SRGAP2: variants seen among roughly 807,000 people sequenced by gnomAD.
The protein encoded by SRGAP2 is SLIT-ROBO Rho GTPase-activating protein 2.
Under a neutral mutation model 57.2 loss-of-function variants are expected in SRGAP2, and 15 were observed. That is an observed-to-expected ratio of 0.26 (90% CI 0.18 to 0.40). The LOEUF is 0.40. Ranked by LOEUF, SRGAP2 falls within the 10% of genes least tolerant of loss-of-function variation. SRGAP2 has a pLI of 1.00. For missense variants in SRGAP2, 520 were observed against 669.6 expected, an observed-to-expected ratio of 0.78 and a Z score of 2.47; for synonymous variants, 249 against 248.0, an observed-to-expected ratio of 1.00 and a Z score of -0.04.
chr1:206,386,282 C>T (rs577312168), intron 5 of SRGAP2, among the ~76,000 whole-genome samples: 12 of 151,974 alleles, frequency 7.9e-5, no homozygotes, highest in Admixed American at 2.0e-4. Context: ...AAATGCTGGT[C>T]TAGTGACTAG....
At chr1:206,451,688 A>G (rs1348321020) in intron 19 of SRGAP2, among the ~76,000 whole-genome samples, 5 of 152,240 alleles carry the variant, frequency 3.3e-5, no homozygotes, top group Admixed American at 2.6e-4. Context: ...GTAGTGGGTT[A>G]GAGCCTACCT....
chr1:206,444,952 A>C (rs1172077799), intron 17 of SRGAP2, among the ~76,000 whole-genome samples: 1 of 152,122 alleles, frequency 6.6e-6, no homozygotes, highest in African/African-American at 2.4e-5. Flanking sequence ...CATCTCCAGG[A>C]GGGGAGAGAA....
chr1:206,448,662 G>A (rs1042312205), intron 18 of SRGAP2, among the ~76,000 whole-genome samples: 5 of 152,028 alleles, frequency 3.3e-5, no homozygotes, highest in East Asian at 1.9e-4. Flanking sequence ...TCCATGGCTC[G>A]CTGAAGTTTA....
intron 7 of SRGAP2, among the ~76,000 whole-genome samples, chr1:206,400,075 T>C (rs1234486893): frequency 1.4e-5 from 2 of 146,300 alleles, no homozygotes; most frequent in East Asian, 4.2e-4. Flanking sequence ...CAATAGTAGC[T>C]GCTTCCAATG....
intron 5 of SRGAP2, among the ~76,000 whole-genome samples, chr1:206,389,332 G>A (rs1338600291): frequency 3.3e-4 from 50 of 151,288 alleles, no homozygotes; most frequent in East Asian, 1.2e-3. Context: ...CCGCCACCAC[G>A]CCCAGTTAAT....
chr1:206,432,406 G>C (rs1014354604), intron 14 of SRGAP2, among the ~76,000 whole-genome samples: 16 of 152,202 alleles, frequency 1.1e-4, no homozygotes, highest in African/African-American at 3.9e-4. Flanking sequence ...CGATCCAGCA[G>C]ATCCTAGGAA....
chr1:206,291,375 T>C (rs1178939193), intron 2 of SRGAP2, among the ~76,000 whole-genome samples: 2 of 152,208 alleles, frequency 1.3e-5, no homozygotes. Flanking sequence ...GCATCAGGCA[T>C]GTAGCAAGCA....
chr1:206,310,719 C>T (rs1672582730), intron 3 of SRGAP2, among the ~76,000 whole-genome samples: 1 of 152,136 alleles, frequency 6.6e-6, no homozygotes, highest in African/African-American at 2.4e-5. Context: ...CAGAGACAAC[C>T]ATCCTGCTGA....
chr1:206,456,928 C>T lies in SRGAP2; in HGVS notation c.2508-1695C>T, dbSNP rs115363501. On this transcript the variant is annotated intron_variant, in intron 21 of 22. Coordinates refer to ENST00000573034, the MANE Select transcript of SRGAP2 (RefSeq NM_015326.5). The stretch of plus-strand genomic sequence containing the variant: ...CCTCATCTCCCTTCAAGACTCAGTC[C>T]GAAGACTTAGCTCTTTGGGGAAGCC... Among the ~76,000 whole-genome samples, 372 of 152,274 alleles carry T rather than the reference C, an allele frequency of 2.4e-3. 1 individual carries two copies. Among genetic ancestry groups the T allele is most frequent in the African/African-American group, 8.0e-3 (332 of 41,554 alleles).
rs1357436531 is a variant in SRGAP2 at position 206,209,666 on chromosome 1, A to G, written c.67+3629A>G. On this transcript the variant is annotated intron_variant, in intron 2 of 22. Coordinates refer to ENST00000573034, the MANE Select transcript of SRGAP2 (RefSeq NM_015326.5). The stretch of plus-strand genomic sequence containing the variant: ...TTTTACATAGCTCTTTCCAATTTAC[A>G]TTATGCTTTCATATGTAGTTGTCCG... 2.6e-5 allele frequency among the ~76,000 whole-genome samples: 4 copies of G among 151,214 alleles called. No homozygotes were observed. The East Asian group carries it at 7.8e-4, about 29-fold the overall frequency.
intron 3 of SRGAP2, among the ~76,000 whole-genome samples, chr1:206,307,759 C>G (rs1459713586): frequency 5.6e-4 from 85 of 152,304 alleles, no homozygotes; most frequent in East Asian, 4.6e-3. Flanking sequence ...GCGGGGCCCA[C>G]CAAGCCCACG....
chr1:206,421,779 G>A (rs995206820), intron 13 of SRGAP2, among the ~76,000 whole-genome samples: 6 of 152,166 alleles, frequency 3.9e-5, no homozygotes, highest in South Asian at 2.1e-4. Context: ...GGCAAGGGCC[G>A]TTCAACTCTG....
At chr1:206,203,759 G>T (rs556065561) in intron 1 of SRGAP2, 109 bp downstream of exon 1, 72 of 1,473,100 alleles carry the variant, frequency 4.9e-5, no homozygotes, top group Non-Finnish European at 6.1e-5. Context: ...TGCTGCTCGC[G>T]GCATCGCCTT....
At chr1:206,278,373 GTCTC>G (rs1255630401) in intron 2 of SRGAP2, among the ~76,000 whole-genome samples, 2 of 138,312 alleles carry the variant, frequency 1.4e-5, no homozygotes, top group East Asian at 2.1e-4. Context: ...AAGAGACAAG[GTCTC>G]TCTCTCTCTT....
intron 11 of SRGAP2, 84 bp from the exon 12 acceptor site, chr1:206,419,289 G>A (rs1210081812): frequency 1.8e-5 from 14 of 766,558 alleles, no homozygotes; most frequent in Non-Finnish European, 2.7e-5. Flanking sequence ...AGGGGAGATA[G>A]GCATGGTAGT....
At chr1:206,434,857 C>T (rs1661586597) in intron 14 of SRGAP2, among the ~76,000 whole-genome samples, 1 of 152,192 alleles carries the variant, frequency 6.6e-6, no homozygotes. Flanking sequence ...AAGATGATGA[C>T]GCTCTTTCAA....
At chr1:206,315,135 CA>C (rs1672969793) in intron 3 of SRGAP2, among the ~76,000 whole-genome samples, 1 of 147,112 alleles carries the variant, frequency 6.8e-6, no homozygotes, top group African/African-American at 2.5e-5. Flanking sequence ...GTAGTTACAT[CA>C]CTACTGCGGA....
At chr1:206,459,272 GGTAGACTTTA>G (rs1553379699) in intron 22 of SRGAP2, among the ~76,000 whole-genome samples, 1 of 152,172 alleles carries the variant, frequency 6.6e-6, no homozygotes, top group African/African-American at 2.4e-5. Flanking sequence ...TAAAGACCTT[GGTAGACTTTA>G]GTGAAACTGC....
At chr1:206,375,644 T>C (rs1655127799) in intron 4 of SRGAP2, among the ~76,000 whole-genome samples, 1 of 152,178 alleles carries the variant, frequency 6.6e-6, no homozygotes, top group African/African-American at 2.4e-5. Flanking sequence ...TATAGGACTG[T>C]GTTTCAGACT....
Sources: allele counts gnomAD v4.1 joint callset (sites outside exome capture counted in the v4.1 genomes callset), GRCh38; gene constraint gnomAD v4.1.1; transcripts MANE v1.5; gene names NCBI Gene and HGNC (gene_info 2026-07-23, HGNC 2026-07-21).